The following SPATA6 variants were observed in gnomAD, a reference collection of about 807,000 sequenced individuals.
SPATA6 encodes spermatogenesis associated 6.
In SPATA6, 56 loss-of-function variants were observed where a neutral mutation model predicts 65.3. That is an observed-to-expected ratio of 0.86 (90% confidence interval 0.69 to 1.07). SPATA6 has a LOEUF of 1.07. SPATA6 is among the 50% of genes least tolerant of loss of function. The pLI is 0.00. For synonymous variants in SPATA6, 199 were observed against 213.2 expected (o/e 0.93, Z 0.58); for missense variants, 590 against 594.8 (o/e 0.99, Z 0.08).
At chr1:48,345,066 T>C (rs1646325925) in intron 11 of SPATA6, among the ~76,000 whole-genome samples, 1 of 152,094 alleles carries the variant, frequency 6.6e-6, no homozygotes, top group South Asian at 2.1e-4. Context: ...CAACAGAATA[T>C]ACATTCTTCT....
rs1318133044 is a variant in SPATA6 at position 48,322,983 on chromosome 1, T to C, written c.1195-17105A>G. 2.6e-5 allele frequency among the ~76,000 whole-genome samples: 4 copies of C among 152,270 alleles called. No individual in the cohort carries two copies. The East Asian group carries it at 7.7e-4, about 29-fold the overall frequency. ...TTTACACTGTTGGTAGGAGTGTAAG[T>C]TACTTCAACCACTGTGGAAGACAGT... On this transcript the variant is annotated intron_variant, in intron 11 of 12. Transcript: ENST00000371847.
chr1:48,406,166 G>A (rs1001387820), intron 5 of SPATA6, among the ~76,000 whole-genome samples: 3 of 152,188 alleles, frequency 2.0e-5, no homozygotes, highest in Non-Finnish European at 2.9e-5. Flanking sequence ...GGTCAAGGCT[G>A]CAGTAAGCCA....
chr1:48,376,043 C>A (rs1397164774), intron 9 of SPATA6, among the ~76,000 whole-genome samples: 1 of 152,104 alleles, frequency 6.6e-6, no homozygotes, highest in South Asian at 2.1e-4. Flanking sequence ...AATGTTAAAA[C>A]CATTTGCCTT....
At chr1:48,360,729 A>C (rs1646788339) in intron 9 of SPATA6, among the ~76,000 whole-genome samples, 1 of 152,172 alleles carries the variant, frequency 6.6e-6, no homozygotes, top group South Asian at 2.1e-4. Flanking sequence ...TAGTCTGCAG[A>C]GGGGCCAAGG....
intron 8 of SPATA6, among the ~76,000 whole-genome samples, chr1:48,391,077 A>G (rs1426443218): frequency 6.6e-6 from 1 of 152,074 alleles, no homozygotes; most frequent in Non-Finnish European, 1.5e-5. Context: ...AAAAAGTGAG[A>G]AGGACATCCG....
intron 11 of SPATA6, among the ~76,000 whole-genome samples, chr1:48,348,977 T>TGTATGA (rs1203118622): frequency 6.6e-6 from 1 of 151,974 alleles, no homozygotes; most frequent in Non-Finnish European, 1.5e-5. Context: ...TCAGTATTGC[T>TGTATGA]AATCCATATC....
At chr1:48,343,746 A>G (rs72893212) in intron 11 of SPATA6, among the ~76,000 whole-genome samples, 3,747 of 152,256 alleles carry the variant, frequency 0.025, 99 homozygotes, top group African/African-American at 0.067. Flanking sequence ...ATCTTATGGA[A>G]AAATTATACG....
chr1:48,285,235 A>G, the SPATA6 span, among the ~76,000 whole-genome samples: 3 of 152,062 alleles, frequency 2.0e-5, no homozygotes, highest in Admixed American at 1.3e-4. Context: ...CTGTGAGGGG[A>G]AAACTGCCTA....
intron 1 of SPATA6, among the ~76,000 whole-genome samples, chr1:48,457,069 G>GA (rs931830781): frequency 2.7e-5 from 4 of 149,138 alleles, no homozygotes; most frequent in Non-Finnish European, 3.0e-5. Context: ...TCTCTCTACA[G>GA]AAAAAAAAAA....
At chr1:48,324,307 A>G (rs1645691087) in intron 11 of SPATA6, among the ~76,000 whole-genome samples, 1 of 152,098 alleles carries the variant, frequency 6.6e-6, no homozygotes, top group Non-Finnish European at 1.5e-5. Context: ...AAACTATTCC[A>G]AAAAATAGAG....
At chr1:48,360,984 T>C (rs1570291423) in intron 9 of SPATA6, among the ~76,000 whole-genome samples, 2 of 152,254 alleles carry the variant, frequency 1.3e-5, no homozygotes, top group African/African-American at 4.8e-5. Flanking sequence ...GCATAGAAAA[T>C]TAAGATATTA....
At chr1:48,417,866 GT>G (rs1226688627) in intron 3 of SPATA6, among the ~76,000 whole-genome samples, 2 of 151,952 alleles carry the variant, frequency 1.3e-5, no homozygotes, top group African/African-American at 4.8e-5. Context: ...AAACATTTTT[GT>G]TTTTTGTTGT....
At chr1:48,402,633 T>G (rs898235056) in intron 6 of SPATA6, 1 of 152,200 alleles carries the variant, frequency 6.6e-6, no homozygotes, top group Non-Finnish European at 1.5e-5. Context: ...ATTTTACCTT[T>G]CTTGGCTTAA....
At chr1:48,366,644 C>T (rs1186226203) in intron 9 of SPATA6, among the ~76,000 whole-genome samples, 1 of 151,864 alleles carries the variant, frequency 6.6e-6, no homozygotes, top group Admixed American at 6.6e-5. Context: ...TGGTGATATC[C>T]CCTTTATCAT....
At chr1:48,279,989 A>G in the SPATA6 span, among the ~76,000 whole-genome samples, 2 of 152,272 alleles carry the variant, frequency 1.3e-5, no homozygotes, top group South Asian at 4.1e-4. Context: ...TGTCTCTCAG[A>G]CCACAGTGCA....
rs552343193 is a variant in SPATA6 at position 48,455,484 on chromosome 1, G to A, written c.52-2353C>T. The stretch of plus-strand genomic sequence containing the variant: ...TGCAAGCTCCGCCTCCCAGGTTCCC[G>A]CCATTCTCCTACCTCAGCCTCAAGT... On this transcript the variant is annotated intron_variant, in intron 1 of 12. Coordinates refer to ENST00000371847, the MANE Select transcript of SPATA6 (RefSeq NM_019073.4). Among the ~76,000 whole-genome samples the A allele has an allele frequency of 7.3e-5, 11 of 151,086 alleles. No individual in the cohort carries two copies. The South Asian group carries it at 1.0e-3, about 14-fold the overall frequency.
intron 11 of SPATA6, chr1:48,325,401 C>A: frequency 2.9e-6 from 4 of 1,374,348 alleles, no homozygotes; most frequent in Non-Finnish European, 4.1e-6. Flanking sequence ...GCCCAAGGAG[C>A]CAGGGCCCTC....
chr1:48,410,608 TCA>T (rs1463089998), intron 5 of SPATA6, among the ~76,000 whole-genome samples: 9 of 152,322 alleles, frequency 5.9e-5, no homozygotes, highest in Admixed American at 1.3e-4. Context: ...TTTAACTGAC[TCA>T]CAGTTTTACA....
At chr1:48,318,937 A>G (rs1342711257) in intron 11 of SPATA6, among the ~76,000 whole-genome samples, 1 of 152,216 alleles carries the variant, frequency 6.6e-6, no homozygotes, top group East Asian at 1.9e-4. Flanking sequence ...TCAATGAAAC[A>G]GAATTAAGAA....
Sources: allele counts gnomAD v4.1 joint callset (sites outside exome capture counted in the v4.1 genomes callset), GRCh38; gene constraint gnomAD v4.1.1; transcripts MANE v1.5; gene names NCBI Gene and HGNC (gene_info 2026-07-23, HGNC 2026-07-21).